AOPEP: variants seen among roughly 807,000 people sequenced by gnomAD.
AOPEP encodes the protein aminopeptidase O.
AOPEP carries 77 observed loss-of-function variants against 98.1 expected under a neutral mutation model. The ratio of observed to expected loss-of-function variants is 0.78; its 90% CI spans 0.65 to 0.95. AOPEP has a LOEUF of 0.95. Among genes scored for constraint, AOPEP ranks in the 40% least tolerant of loss-of-function variants. The pLI is 0.00. For missense variants in AOPEP, 1,024 were observed against 1,024.7 expected, an observed-to-expected ratio of 1.00 and a Z score of 0.01; for synonymous variants, 346 against 365.3, an observed-to-expected ratio of 0.95 and a Z score of 0.60.
At chr9:95,063,757 A>AGT (rs1487751195) in intron 14 of AOPEP, among the ~76,000 whole-genome samples, 1 of 152,094 alleles carries the variant, frequency 6.6e-6, no homozygotes, top group Non-Finnish European at 1.5e-5. Context: ...GGAGCAAGAA[A>AGT]GTGTGGGTAT....
chr9:94,944,964 A>G (rs2057452641), intron 7 of AOPEP, among the ~76,000 whole-genome samples: 1 of 152,192 alleles, frequency 6.6e-6, no homozygotes, highest in Admixed American at 6.5e-5. Flanking sequence ...CTACTGTCTC[A>G]TAATACCCCT....
chr9:94,997,588 C>A (rs2061322061), intron 11 of AOPEP, among the ~76,000 whole-genome samples: 1 of 152,152 alleles, frequency 6.6e-6, no homozygotes, highest in East Asian at 1.9e-4. Flanking sequence ...TAAGTGGTCA[C>A]CTGGGCATTG....
At chr9:94,957,450 T>C (rs2058544060) in intron 9 of AOPEP, among the ~76,000 whole-genome samples, 2 of 152,184 alleles carry the variant, frequency 1.3e-5, no homozygotes, top group South Asian at 2.1e-4. Context: ...TCAGGTGATC[T>C]GCCCACCTTG....
Position 95,085,884 on chromosome 9 carries a change from A to C in AOPEP, c.*5-798A>C, listed in dbSNP as rs1263371723. The C allele has an allele frequency of 2.5e-6, 3 of 1,195,020 alleles. No homozygotes were observed. The African/African-American group carries it at 4.8e-5, about 19-fold the overall frequency. The allele number at this position is 1,195,020 out of a possible 1,614,324, so 74.0% of individuals were successfully genotyped here. On this transcript the variant is annotated intron_variant, in intron 16 of 16. Coordinates refer to ENST00000375315, the MANE Select transcript of AOPEP (RefSeq NM_001193329.3). ...CGGGGCGGGGCGGGGCTTTCGGAGG[A>C]GCTCCTGTTGTTCTGGGCGCGGTGA...
At chr9:95,006,764 G>A (rs2062054677) in intron 13 of AOPEP, among the ~76,000 whole-genome samples, 1 of 152,102 alleles carries the variant, frequency 6.6e-6, no homozygotes, top group South Asian at 2.1e-4. Flanking sequence ...CCTCAGCATG[G>A]TATGGTAAGT....
At position 95,060,810 on chromosome 9, in the gene AOPEP, G is replaced by T; in HGVS notation, c.2232G>T (p.Glu744Asp). The T allele has an allele frequency of 6.3e-7, 1 of 1,592,746 alleles. No homozygotes were observed. Among genetic ancestry groups the T allele is most frequent in the Non-Finnish European group, 8.6e-7 (1 of 1,160,474 alleles). ...ACCACCTCCAGGATCAGGATGCAGA[G>T]GTAACCAGGAACACTCTCGGAGTTT... Reference protein sequence around the residue: ...RTYHLQDQDAEVRHRWCELIV... With the variant: ...RTYHLQDQDADVRHRWCELIV... Residue 744 changes from glutamate (E) to aspartate (D), a missense_variant and splice_region_variant, in exon 14 of 17, where the codon GAG (glutamate) becomes GAT (aspartate). Physicochemically the swap from Glu to Asp is conservative, Grantham distance 45. Coordinates refer to ENST00000375315, the MANE Select transcript of AOPEP (RefSeq NM_001193329.3).
chr9:95,031,358 T>A (rs2064282850), intron 13 of AOPEP, among the ~76,000 whole-genome samples: 1 of 152,192 alleles, frequency 6.6e-6, no homozygotes, highest in Non-Finnish European at 1.5e-5. Context: ...GTAGTTTCTC[T>A]TCTCTCCTAA....
downstream of AOPEP, among the ~76,000 whole-genome samples, chr9:95,089,975 T>C (rs1203094324): frequency 6.6e-6 from 1 of 152,188 alleles, no homozygotes; most frequent in Non-Finnish European, 1.5e-5. Flanking sequence ...CCTGTCTAGG[T>C]AGAAGCCAAG....
At chr9:95,095,095 G>T in the AOPEP span, among the ~76,000 whole-genome samples, 52 of 152,316 alleles carry the variant, frequency 3.4e-4, 1 homozygote, top group African/African-American at 1.2e-3. Flanking sequence ...CTGTTACTTT[G>T]CATTCTTTTG....
At position 94,924,162 on chromosome 9, in the gene AOPEP, CCACAG is replaced by C; in HGVS notation, c.1549_1553del (p.Gln517AlafsTer5). ...ACTCACTTGGAGGATGTGTTTTGGG[CCACAG>C]CACAGCAGGTGGGTTAAAGTGACCC... On this transcript the variant is annotated frameshift_variant, in exon 6 of 17. Coordinates refer to ENST00000375315, the MANE Select transcript of AOPEP (RefSeq NM_001193329.3). LOFTEE classifies it high-confidence loss of function. 7.0e-6 allele frequency: 10 copies of C among 1,424,386 alleles called. No individual in the cohort carries two copies. Among genetic ancestry groups the C allele is most frequent in the Non-Finnish European group, 9.3e-6 (10 of 1,080,246 alleles). 88.2% of individuals were successfully genotyped at this position (1,424,386 alleles called of 1,614,324 possible).
At chr9:94,774,694 T>A (rs1381110845) in intron 3 of AOPEP, among the ~76,000 whole-genome samples, 1 of 152,218 alleles carries the variant, frequency 6.6e-6, no homozygotes, top group Non-Finnish European at 1.5e-5. Flanking sequence ...TGCATTAAAT[T>A]CCAGGGGAGA....
chr9:94,792,670 C>A, intron 3 of AOPEP, 95 bp from the exon 4 acceptor site: 1 of 1,231,390 alleles, frequency 8.1e-7, no homozygotes, highest in Non-Finnish European at 1.1e-6. Flanking sequence ...ACCAGCTTAT[C>A]ACAAAAGCTC....
intron 5 of AOPEP, among the ~76,000 whole-genome samples, chr9:94,864,157 G>A (rs958938094): frequency 2.0e-5 from 3 of 152,118 alleles, no homozygotes; most frequent in African/African-American, 7.2e-5. Flanking sequence ...ATGTTCTGTG[G>A]TAATTATTAG....
intron 7 of AOPEP, among the ~76,000 whole-genome samples, chr9:94,952,219 G>A (rs1375630023): frequency 6.6e-6 from 1 of 152,188 alleles, no homozygotes; most frequent in Non-Finnish European, 1.5e-5. Flanking sequence ...CTAGACTGAT[G>A]GCCTTTCCTG....
At chr9:94,909,346 T>A (rs1210228457) in intron 5 of AOPEP, among the ~76,000 whole-genome samples, 29 of 82,034 alleles carry the variant, frequency 3.5e-4, no homozygotes, top group African/African-American at 5.1e-4. Flanking sequence ...TTTGGAGCCT[T>A]AAAAAAAAAA....
chr9:94,998,574 C>T (rs982049193), intron 11 of AOPEP, among the ~76,000 whole-genome samples: 1 of 152,162 alleles, frequency 6.6e-6, no homozygotes, highest in Non-Finnish European at 1.5e-5. Flanking sequence ...TTGTTCTAAG[C>T]AAATTACATG....
chr9:95,093,875 G>T, the AOPEP span, among the ~76,000 whole-genome samples: 1 of 152,222 alleles, frequency 6.6e-6, no homozygotes, highest in Non-Finnish European at 1.5e-5. Flanking sequence ...GATGGCCTCA[G>T]TGTAGCCTTG....
At chr9:95,105,788 T>C in the AOPEP span, among the ~76,000 whole-genome samples, 1 of 152,246 alleles carries the variant, frequency 6.6e-6, no homozygotes, top group Non-Finnish European at 1.5e-5. Context: ...TTCATTCATG[T>C]TGTAGCACTG....
rs145976143 is a variant in AOPEP at position 94,727,704 on chromosome 9, A to G, written c.-136+953A>G. Reference sequence around the variant, plus strand: ...TCTGTTCCATTTTTGAATAGTGTATATTGTGCTTCGTATAAGTCTGGGAAG... The same window carrying G: ...TCTGTTCCATTTTTGAATAGTGTATGTTGTGCTTCGTATAAGTCTGGGAAG... On this transcript the variant is annotated intron_variant, in intron 1 of 16. Coordinates refer to ENST00000375315, the MANE Select transcript of AOPEP (RefSeq NM_001193329.3). Among the ~76,000 whole-genome samples the G allele has an allele frequency of 1.2e-3, 179 of 152,288 alleles. 1 individual carries two copies. Among genetic ancestry groups the G allele is most frequent in the African/African-American group, 4.2e-3 (174 of 41,534 alleles).
Sources: gnomAD v4.1 joint callset for allele counts (sites outside exome capture counted in the v4.1 genomes callset) on GRCh38, gnomAD v4.1.1 for gene constraint, MANE v1.5 for transcripts, NCBI Gene and HGNC (gene_info 2026-07-23, HGNC 2026-07-21) for gene names.